Variants in CREB1 observed in about 807,000 individuals in gnomAD.
CREB1 encodes the protein cyclic AMP-responsive element-binding protein 1.
CREB1 carries 2 observed loss-of-function variants against 42.0 expected under a neutral mutation model. The ratio of observed to expected loss-of-function variants is 0.05; its 90% confidence interval spans 0.02 to 0.15. The LOEUF (loss-of-function observed/expected upper bound fraction) is 0.15. Among genes scored for constraint, CREB1 ranks in the 10% least tolerant of loss-of-function variants. CREB1 has a pLI of 1.00. For synonymous variants in CREB1, 123 were observed against 139.9 expected, an observed-to-expected ratio of 0.88 and a Z score of 0.85; for missense variants, 199 against 388.9, an observed-to-expected ratio of 0.51 and a Z score of 4.11.
chr2:207,544,029 C>T (rs2081204798), intron 1 of CREB1, among the ~76,000 whole-genome samples: 2 of 152,174 alleles, frequency 1.3e-5, no homozygotes, highest in African/African-American at 4.8e-5. Flanking sequence ...ATGCCATTCT[C>T]CTGCTTCAGC....
intron 7 of CREB1, among the ~76,000 whole-genome samples, chr2:207,585,067 C>G (rs2083581286): frequency 6.6e-6 from 1 of 152,022 alleles, no homozygotes; most frequent in Non-Finnish European, 1.5e-5. Flanking sequence ...TCTAGGGTGC[C>G]TGAGGATTGG....
chr2:207,557,638 A>T (rs1466039548), intron 2 of CREB1, among the ~76,000 whole-genome samples: 2 of 152,204 alleles, frequency 1.3e-5, no homozygotes, highest in Non-Finnish European at 1.5e-5. Flanking sequence ...AGCCTGGGTG[A>T]CAGAGCGAGA....
chr2:207,531,560 C>T (rs1481632083), intron 1 of CREB1, among the ~76,000 whole-genome samples: 1 of 152,210 alleles, frequency 6.6e-6, no homozygotes, highest in Non-Finnish European at 1.5e-5. Flanking sequence ...ATAATTCTAA[C>T]CTCAGCTGGC....
intron 2 of CREB1, among the ~76,000 whole-genome samples, chr2:207,557,083 A>C (rs966573302): frequency 2.6e-4 from 39 of 152,112 alleles, no homozygotes; most frequent in Middle Eastern, 3.2e-3. Flanking sequence ...GGTTGCAGTG[A>C]ACTGAGATTG....
At chr2:207,555,275 A>G (rs901712649) in intron 1 of CREB1, among the ~76,000 whole-genome samples, 1 of 152,190 alleles carries the variant, frequency 6.6e-6, no homozygotes, top group Non-Finnish European at 1.5e-5. Context: ...CCTGATTAGT[A>G]TAGTTTTGAA....
chr2:207,588,597 G>A (rs572503032), intron 7 of CREB1, among the ~76,000 whole-genome samples: 30 of 152,188 alleles, frequency 2.0e-4, no homozygotes, highest in African/African-American at 7.0e-4. Flanking sequence ...TGTGTCTATA[G>A]ATCAAATTGT....
intron 7 of CREB1, among the ~76,000 whole-genome samples, chr2:207,593,113 A>G (rs13397461): frequency 0.017 from 2,526 of 152,272 alleles, 68 homozygotes; most frequent in African/African-American, 0.057. Flanking sequence ...CATATTCTTT[A>G]TCTCCATTTC....
intron 2 of CREB1, among the ~76,000 whole-genome samples, chr2:207,558,374 A>AG (rs1381043377): frequency 1.3e-5 from 2 of 152,192 alleles, no homozygotes; most frequent in Admixed American, 6.5e-5. Flanking sequence ...TTTTCAATTA[A>AG]GGACAGTCTG....
At chr2:207,592,122 T>C (rs1206444125) in intron 7 of CREB1, among the ~76,000 whole-genome samples, 1 of 152,202 alleles carries the variant, frequency 6.6e-6, no homozygotes, top group Non-Finnish European at 1.5e-5. Context: ...GAATTCTGGG[T>C]TTATCATTTT....
At chr2:207,540,830 AAG>A (rs1386025059) in intron 1 of CREB1, among the ~76,000 whole-genome samples, 1 of 152,168 alleles carries the variant, frequency 6.6e-6, no homozygotes, top group Non-Finnish European at 1.5e-5. Context: ...GTTATTACAA[AAG>A]AGTTGACAAG....
chr2:207,581,935 G>A (rs1300893542), intron 7 of CREB1: 2 of 702,884 alleles, frequency 2.8e-6, no homozygotes, highest in Non-Finnish European at 5.2e-6. Flanking sequence ...GTTTGCATTT[G>A]TCCAGTGTTT....
At chr2:207,538,244 G>A (rs949009373) in intron 1 of CREB1, among the ~76,000 whole-genome samples, 4 of 151,760 alleles carry the variant, frequency 2.6e-5, no homozygotes, top group East Asian at 1.9e-4. Context: ...TTAGAAAAAC[G>A]TATTCTGGCG....
Position 207,559,255 on chromosome 2 carries a change from T to C in CREB1, c.115-971T>C, listed in dbSNP as rs533733566. On this transcript the variant is annotated intron_variant, in intron 2 of 7. Transcript: ENST00000353267. ...TGCTTGAAATTCTGTGACTCTTCCC[T>C]GTAAGTAATAATAACAAGTCTAACT... 93 of 962,780 alleles carry C rather than the reference T, an allele frequency of 9.7e-5. No homozygotes were observed. The African/African-American group carries it at 1.5e-3, about 16-fold the overall frequency. The allele number at this position is 962,780 out of a possible 1,614,324, so 59.6% of individuals were successfully genotyped here. A position where few individuals can be genotyped will look rare whatever the true frequency, so the allele number is the denominator to read the frequency against.
intron 2 of CREB1, chr2:207,559,351 C>T (rs1426960114): frequency 1.1e-6 from 1 of 907,704 alleles, no homozygotes; most frequent in African/African-American, 1.8e-5. Flanking sequence ...TAGAGTAATT[C>T]TCAGTGTGTC....
At chr2:207,586,866 T>C (rs1235399045) in intron 7 of CREB1, among the ~76,000 whole-genome samples, 1 of 152,168 alleles carries the variant, frequency 6.6e-6, no homozygotes, top group African/African-American at 2.4e-5. Context: ...ATGGTTATTA[T>C]CAAAAAGACA....
At chr2:207,553,080 T>C (rs1296582751) in intron 1 of CREB1, among the ~76,000 whole-genome samples, 1 of 143,444 alleles carries the variant, frequency 7.0e-6, no homozygotes, top group African/African-American at 2.6e-5. Flanking sequence ...TTTTTTTTTT[T>C]TTTTTTGAGA....
At chr2:207,579,574 TC>T (rs1300803807) in intron 7 of CREB1, among the ~76,000 whole-genome samples, 11 of 152,336 alleles carry the variant, frequency 7.2e-5, no homozygotes, top group Admixed American at 1.3e-4. Context: ...TAACTACAGT[TC>T]CTACCAGGCT....
At chr2:207,549,011 T>C (rs932034730) in intron 1 of CREB1, among the ~76,000 whole-genome samples, 1 of 152,212 alleles carries the variant, frequency 6.6e-6, no homozygotes, top group African/African-American at 2.4e-5. Context: ...GGATTTGTTC[T>C]CTGTTAAAAG....
chr2:207,588,186 G>T (rs1242519751), intron 7 of CREB1, among the ~76,000 whole-genome samples: 1 of 152,128 alleles, frequency 6.6e-6, no homozygotes, highest in Non-Finnish European at 1.5e-5. Context: ...TTTATATTTA[G>T]ATCTATAATT....
Sources: allele counts gnomAD v4.1 joint callset (sites outside exome capture counted in the v4.1 genomes callset), GRCh38; gene constraint gnomAD v4.1.1; transcripts MANE v1.5; gene names NCBI Gene and HGNC (gene_info 2026-07-23, HGNC 2026-07-21).